Variants in MRPL13 observed in about 807,000 individuals in gnomAD.
MRPL13 encodes mitochondrial ribosomal protein L13, also known as large ribosomal subunit protein uL13m.
MRPL13 carries 33 observed loss-of-function variants against 29.0 expected under a neutral mutation model. The ratio of observed to expected loss-of-function variants is 1.14; its 90% CI spans 0.86 to 1.52. The LOEUF (loss-of-function observed/expected upper bound fraction) is 1.52. Ranked by LOEUF, MRPL13 falls within the 40% of genes most tolerant of loss-of-function variation. The probability of loss-of-function intolerance (pLI) is 0.00; values close to 1 mark genes in which losing one functional copy is unlikely to be tolerated. For missense variants in MRPL13, 227 were observed against 216.7 expected (o/e 1.05, Z -0.30); for synonymous variants, 77 against 68.4 (o/e 1.13, Z -0.62).
chr8:120,440,880 T>A (rs1044666293), intron 2 of MRPL13, among the ~76,000 whole-genome samples: 1 of 151,860 alleles, frequency 6.6e-6, no homozygotes, highest in Non-Finnish European at 1.5e-5. Flanking sequence ...AGAAAACAGA[T>A]CACAGTGAGG....
chr8:120,438,953 T>G (rs1813085313), intron 2 of MRPL13, among the ~76,000 whole-genome samples: 1 of 152,256 alleles, frequency 6.6e-6, no homozygotes, highest in African/African-American at 2.4e-5. Context: ...GGTTTATAAG[T>G]GAAAGTGTAA....
At chr8:120,407,371 A>G (rs953427936) in intron 6 of MRPL13, among the ~76,000 whole-genome samples, 2 of 152,114 alleles carry the variant, frequency 1.3e-5, no homozygotes, top group African/African-American at 2.4e-5. Context: ...GATAAGTGAC[A>G]CTTAACATTA....
intron 6 of MRPL13, among the ~76,000 whole-genome samples, chr8:120,396,973 T>C (rs866635191): frequency 6.6e-6 from 1 of 152,174 alleles, no homozygotes; most frequent in East Asian, 1.9e-4. Flanking sequence ...GGTTTTCACA[T>C]TGGGACTGAC....
chr8:120,425,404 G>A (rs1469651726), intron 3 of MRPL13, 38 bp from the exon 4 acceptor site: 1 of 1,375,132 alleles, frequency 7.3e-7, no homozygotes, highest in African/African-American at 1.4e-5. Context: ...CTGGGCATAG[G>A]CTGATACTGT....
At chr8:120,440,366 G>A (rs1387322062) in intron 2 of MRPL13, among the ~76,000 whole-genome samples, 2 of 152,208 alleles carry the variant, frequency 1.3e-5, no homozygotes. Flanking sequence ...AAGCACTTTG[G>A]GAGGCCAAGG....
chr8:120,421,348 T>A (rs910855542), intron 4 of MRPL13, among the ~76,000 whole-genome samples: 9 of 151,896 alleles, frequency 5.9e-5, no homozygotes, highest in Admixed American at 2.6e-4. Context: ...TACATCATTA[T>A]GAAAAATTTT....
chr8:120,407,203 TA>T (rs1812678627), intron 6 of MRPL13, among the ~76,000 whole-genome samples: 1 of 152,206 alleles, frequency 6.6e-6, no homozygotes, highest in Admixed American at 6.5e-5. Flanking sequence ...TCAAAACATT[TA>T]TATTATCTTG....
chr8:120,430,315 T>C (rs1294615526), intron 3 of MRPL13, among the ~76,000 whole-genome samples: 1 of 152,036 alleles, frequency 6.6e-6, no homozygotes, highest in African/African-American at 2.4e-5. Flanking sequence ...AATCCATAGA[T>C]ATGGAGGGCT....
chr8:120,431,495 T>C (rs1049226862), intron 3 of MRPL13, among the ~76,000 whole-genome samples: 9 of 152,148 alleles, frequency 5.9e-5, no homozygotes, highest in African/African-American at 2.2e-4. Flanking sequence ...TAGCTGACAG[T>C]AAACTCAAAT....
intron 6 of MRPL13, among the ~76,000 whole-genome samples, chr8:120,405,269 G>C (rs928876900): frequency 3.3e-5 from 5 of 152,174 alleles, no homozygotes; most frequent in Admixed American, 6.5e-5. Flanking sequence ...ATGAAAACAA[G>C]CATACACACA....
At chr8:120,443,679 G>C (rs1813160756) in intron 1 of MRPL13, among the ~76,000 whole-genome samples, 1 of 149,998 alleles carries the variant, frequency 6.7e-6, no homozygotes. Flanking sequence ...AAGCTTGTAA[G>C]AAAGTAGAAG....
intron 2 of MRPL13, among the ~76,000 whole-genome samples, chr8:120,436,752 C>T (rs1813059308): frequency 1.3e-5 from 2 of 152,130 alleles, no homozygotes; most frequent in African/African-American, 4.8e-5. Context: ...TAGGACAGTA[C>T]TGCTTTTATT....
chr8:120,396,013 G>A lies in MRPL13; in HGVS notation c.*91C>T, dbSNP rs768229084. 9.5e-6 allele frequency: 10 copies of A among 1,057,986 alleles called. No individual in the cohort carries two copies. Among genetic ancestry groups the A allele is most frequent in the Non-Finnish European group, 1.4e-5 (10 of 710,884 alleles). 65.5% of individuals were successfully genotyped at this position (1,057,986 alleles called of 1,614,324 possible). On this transcript the variant is annotated 3_prime_UTR_variant, in exon 7 of 7. Coordinates refer to ENST00000306185, the MANE Select transcript of MRPL13 (RefSeq NM_014078.6). ...CACATAAAACAGGTGCTGAACTGTA[G>A]CAGTTGTTTTACTCCATCCTGTAGG...
intron 2 of MRPL13, among the ~76,000 whole-genome samples, chr8:120,437,738 A>G (rs1043584780): frequency 1.2e-4 from 18 of 152,164 alleles, no homozygotes; most frequent in African/African-American, 4.3e-4. Context: ...CACTTCACAG[A>G]CATCCATTTG....
intron 3 of MRPL13, among the ~76,000 whole-genome samples, chr8:120,426,222 GA>G (rs1467293642): frequency 6.6e-6 from 1 of 152,066 alleles, no homozygotes; most frequent in East Asian, 1.9e-4. Context: ...CGATTTTCAA[GA>G]AAGGGGGAAG....
chr8:120,431,951 T>G, intron 3 of MRPL13, 79 bp downstream of exon 3: 2 of 1,010,414 alleles, frequency 2.0e-6, no homozygotes, highest in South Asian at 4.1e-5. Flanking sequence ...ATATCTTTTT[T>G]CTTTTAAGTA....
At chr8:120,406,850 C>G (rs1333797548) in intron 6 of MRPL13, among the ~76,000 whole-genome samples, 3 of 152,104 alleles carry the variant, frequency 2.0e-5, no homozygotes, top group Non-Finnish European at 4.4e-5. Flanking sequence ...TCTGTAACAA[C>G]TATCTATTTT....
rs578028731 is a variant in MRPL13 at position 120,435,991 on chromosome 8, ATTTG to A, written c.152-3872_152-3869del. ...TTATAGGGTTGTTTTTTGCTTGTAA[ATTTG>A]TTTAAGTTCCTTACAAAGAAATTCT... On this transcript the variant is annotated intron_variant, in intron 2 of 6. Coordinates refer to ENST00000306185, the MANE Select transcript of MRPL13 (RefSeq NM_014078.6). Among the ~76,000 whole-genome samples the A allele has an allele frequency of 2.4e-4, 37 of 152,098 alleles. No homozygotes were observed. The East Asian group carries it at 5.2e-3, about 21-fold the overall frequency.
chr8:120,406,104 A>G (rs1382068591), intron 6 of MRPL13, among the ~76,000 whole-genome samples: 1 of 152,210 alleles, frequency 6.6e-6, no homozygotes, highest in Non-Finnish European at 1.5e-5. Context: ...TAATCACAGG[A>G]AATCTTTAGA....
Sources: allele counts gnomAD v4.1 joint callset (sites outside exome capture counted in the v4.1 genomes callset), GRCh38; gene constraint gnomAD v4.1.1; transcripts MANE v1.5; gene names NCBI Gene and HGNC (gene_info 2026-07-23, HGNC 2026-07-21).